The following CCL16 variants were observed in gnomAD, a reference collection of about 807,000 sequenced individuals.
The protein encoded by CCL16 is C-C motif chemokine 16.
A neutral mutation model predicts 7.5 loss-of-function variants in CCL16; 6 were observed. The observed-to-expected ratio is 0.80, with a 90% CI of 0.44 to 1.57. The LOEUF is 1.57. Ranked by LOEUF, CCL16 falls within the 40% of genes most tolerant of loss-of-function variation. The probability of loss-of-function intolerance (pLI) is 0.01; values close to 1 mark genes in which losing one functional copy is unlikely to be tolerated. For missense variants in CCL16, 134 were observed against 142.9 expected (o/e 0.94, Z 0.32); for synonymous variants, 60 against 57.7 (o/e 1.04, Z -0.18).
At position 35,981,235 on chromosome 17, in the gene CCL16, C is replaced by A. The variant is rs1340401308; in HGVS notation, c.76+110G>T. The A allele has an allele frequency of 8.9e-6, 6 of 676,838 alleles. No homozygotes were observed. The East Asian group carries it at 1.4e-4, about 16-fold the overall frequency. 41.9% of individuals were successfully genotyped at this position (676,838 alleles called of 1,614,324 possible). On this transcript the variant is annotated intron_variant, in intron 1 of 2. Coordinates refer to ENST00000611905, the MANE Select transcript of CCL16 (RefSeq NM_004590.4). ...AGCTATGCATGAAGGTGGGGAGAGC[C>A]CACAGGGTCTTATGAGGCCAGAGAC...
Position 35,977,397 on chromosome 17 carries a change from G to A in CCL16, c.*169C>T, listed in dbSNP as rs1488848653. The A allele has an allele frequency of 4.5e-5, 23 of 515,504 alleles. No homozygotes were observed. Among genetic ancestry groups the A allele is most frequent in the Middle Eastern group, 5.0e-4 (1 of 1,986 alleles). The allele number at this position is 515,504 out of a possible 1,614,324, so 31.9% of individuals were successfully genotyped here. A position where few individuals can be genotyped will look rare whatever the true frequency, so the allele number is the denominator to read the frequency against. Reference sequence around the variant, plus strand: ...CCTCTGCCCACGTCCCTTAACTTTGGTATTTCCTCCTAAGATTGAGAAAAT... The same window carrying A: ...CCTCTGCCCACGTCCCTTAACTTTGATATTTCCTCCTAAGATTGAGAAAAT... On this transcript the variant is annotated 3_prime_UTR_variant, in exon 3 of 3. Coordinates refer to ENST00000611905, the MANE Select transcript of CCL16 (RefSeq NM_004590.4).
chr17:35,977,364 A>G lies in CCL16; in HGVS notation c.*202T>C, dbSNP rs2089645749. ...ATAAAAATATAAATATAAAAATAAA[A>G]GAGCGTACCTCTGCCCACGTCCCTT... On this transcript the variant is annotated 3_prime_UTR_variant, in exon 3 of 3. Coordinates refer to ENST00000611905, the MANE Select transcript of CCL16 (RefSeq NM_004590.4). 2.5e-6 allele frequency: 1 copy of G among 405,634 alleles called. No homozygotes were observed. Among genetic ancestry groups the G allele is most frequent in the Admixed American group, 4.3e-5 (1 of 23,184 alleles). 25.1% of individuals were successfully genotyped at this position (405,634 alleles called of 1,614,324 possible). A position where few individuals can be genotyped will look rare whatever the true frequency, so the allele number is the denominator to read the frequency against.
At position 35,978,368 on chromosome 17, in the gene CCL16, C is replaced by T. The variant is rs1240231726; in HGVS notation, c.77-105G>A. The T allele has an allele frequency of 2.7e-5, 40 of 1,495,844 alleles. 1 individual carries two copies. In the South Asian group the frequency reaches 3.6e-4, roughly 14 times the overall value. 92.7% of individuals were successfully genotyped at this position (1,495,844 alleles called of 1,614,324 possible). A position where few individuals can be genotyped will look rare whatever the true frequency, so the allele number is the denominator to read the frequency against. ...TGTTTCACTCCTCTGATAGCAAAGC[C>T]GTCTGTTAGAGGAGACCAATGATAG... On this transcript the variant is annotated intron_variant, in intron 1 of 2. Coordinates refer to ENST00000611905, the MANE Select transcript of CCL16 (RefSeq NM_004590.4).
chr17:35,977,835 G>T, intron 2 of CCL16, 104 bp from the exon 3 acceptor site: 1 of 1,311,396 alleles, frequency 7.6e-7, no homozygotes. Flanking sequence ...GTTCTTTAAA[G>T]CTTCCCTGGG....
At chr17:35,980,049 T>TC (rs1211014060) in intron 1 of CCL16, among the ~76,000 whole-genome samples, 1 of 151,990 alleles carries the variant, frequency 6.6e-6, no homozygotes, top group Non-Finnish European at 1.5e-5. Flanking sequence ...AGAGCACTGT[T>TC]CCCCCCTCCC....
chr17:35,977,877 C>G, intron 2 of CCL16, 146 bp from the exon 3 acceptor site: 1 of 932,598 alleles, frequency 1.1e-6, no homozygotes, highest in Non-Finnish European at 1.6e-6. Flanking sequence ...CAGACAGCCT[C>G]TCTCTCTGGC....
Position 35,978,207 on chromosome 17 carries a change from C to G in CCL16, c.133G>C (p.Val45Leu). ...CCCACCACTAGTCTCCTTGGCAACACTTTCTCATAATACTTCAGGCAGCAG... is the reference window on the plus strand; with the variant it reads ...CCCACCACTAGTCTCCTTGGCAACAGTTTCTCATAATACTTCAGGCAGCAG... ...STCCLKYYEK[V>L]LPRRLVVGYR... The change falls in exon 2 of 3, where the codon GTG becomes CTG. Residue 45 changes from valine (V) to leucine (L), a missense_variant. Val to Leu is a conservative substitution (Grantham distance 32). Coordinates refer to ENST00000611905, the MANE Select transcript of CCL16 (RefSeq NM_004590.4). 6.2e-7 allele frequency: 1 copy of G among 1,614,212 alleles called. No individual in the cohort carries two copies. The highest frequency in any genetic ancestry group is 1.7e-5 in the Admixed American group (1 of 60,022).
In CCL16 at chr17:35,977,505, C is replaced by T. The variant is rs1000906777; in HGVS notation, c.*61G>A. 1 of 1,491,690 alleles carries T rather than the reference C, an allele frequency of 6.7e-7. No individual in the cohort carries two copies. Among genetic ancestry groups the T allele is most frequent in the Non-Finnish European group, 9.2e-7 (1 of 1,087,226 alleles). 92.4% of individuals were successfully genotyped at this position (1,491,690 alleles called of 1,614,324 possible). On this transcript the variant is annotated 3_prime_UTR_variant, in exon 3 of 3. Transcript: ENST00000611905. ...CTAGTTTCAGCCTAATAAGGCTTCC[C>T]CTGTTTTCATAGGTTTACCCCTCTC...
chr17:35,978,307 A>G, intron 1 of CCL16, 44 bp from the exon 2 acceptor site: 1 of 1,613,382 alleles, frequency 6.2e-7, no homozygotes. Context: ...AGCAGAGGGG[A>G]GACCACAGCT....
Position 35,977,748 on chromosome 17 carries a change from A to T in CCL16, c.198-17T>A. On this transcript the variant is annotated splice_polypyrimidine_tract_variant and intron_variant, in intron 2 of 2. Transcript: ENST00000611905. ...GTGACGAAGCTGCAGAGGCAGAATT[A>T]GACCGTCATGGGCTGCAGACTCGGG... 1 of 1,611,280 alleles carries T rather than the reference A, an allele frequency of 6.2e-7. No homozygotes were observed. The highest frequency in any genetic ancestry group is 8.5e-7 in the Non-Finnish European group (1 of 1,179,470).
Position 35,977,406 on chromosome 17 carries a change from C to T in CCL16, c.*160G>A. 1 of 581,662 alleles carries T rather than the reference C, an allele frequency of 1.7e-6. No individual in the cohort carries two copies. Among genetic ancestry groups the T allele is most frequent in the South Asian group, 3.4e-5 (1 of 29,562 alleles). The allele number at this position is 581,662 out of a possible 1,614,324, so 36.0% of individuals were successfully genotyped here. On this transcript the variant is annotated 3_prime_UTR_variant, in exon 3 of 3. Coordinates refer to ENST00000611905, the MANE Select transcript of CCL16 (RefSeq NM_004590.4). ...ACGTCCCTTAACTTTGGTATTTCCT[C>T]CTAAGATTGAGAAAATATTCGAAAT...
Position 35,981,016 on chromosome 17 carries a change from C to T in CCL16, c.76+329G>A, listed in dbSNP as rs902366954. Among the ~76,000 whole-genome samples, 8 of 152,298 alleles carry T rather than the reference C, an allele frequency of 5.3e-5. No homozygotes were observed. The East Asian group carries it at 1.5e-3, about 29-fold the overall frequency. ...TTTTCTTTCTCATCCGCGTGCCTCC[C>T]CCTCCCTTTCATTGCATGCACTTCT... On this transcript the variant is annotated intron_variant, in intron 1 of 2. Coordinates refer to ENST00000611905, the MANE Select transcript of CCL16 (RefSeq NM_004590.4).
chr17:35,977,466 C>T lies in CCL16; in HGVS notation c.*100G>A, dbSNP rs187852119. 3 of 978,360 alleles carry T rather than the reference C, an allele frequency of 3.1e-6. No homozygotes were observed. The highest frequency in any genetic ancestry group is 4.6e-5 in the Admixed American group (2 of 43,054). The allele number at this position is 978,360 out of a possible 1,614,324, so 60.6% of individuals were successfully genotyped here. ...TTATTTTGATCATTGTTCTGCTTCT[C>T]TCAATGTGACTGGCTAGTTTCAGCC... On this transcript the variant is annotated 3_prime_UTR_variant, in exon 3 of 3. Transcript: ENST00000611905.
intron 2 of CCL16, 113 bp from the exon 3 acceptor site, chr17:35,977,844 G>T: frequency 8.1e-7 from 1 of 1,231,612 alleles, no homozygotes; most frequent in Non-Finnish European, 1.1e-6. Context: ...AGCTTCCCTG[G>T]GCCTGTCCTG....
chr17:35,981,036 A>G (rs2089677225), intron 1 of CCL16, among the ~76,000 whole-genome samples: 1 of 151,822 alleles, frequency 6.6e-6, no homozygotes, highest in Middle Eastern at 3.4e-3. Context: ...CATTGCATGC[A>G]CTTCTTGTTG....
intron 1 of CCL16, among the ~76,000 whole-genome samples, chr17:35,980,995 C>G (rs1172349308): frequency 6.6e-6 from 1 of 152,180 alleles, no homozygotes; most frequent in Admixed American, 6.5e-5. Context: ...TGCCACTTTT[C>G]TTTCTCATCC....
chr17:35,979,691 C>T (rs1202473830), intron 1 of CCL16, among the ~76,000 whole-genome samples: 1 of 152,156 alleles, frequency 6.6e-6, no homozygotes, highest in Non-Finnish European at 1.5e-5. Context: ...TAATTAAGAG[C>T]CAATGGTAGT....
In CCL16 at chr17:35,976,710, CAA is replaced by C. The variant is rs995224093; in HGVS notation, c.*854_*855del. On this transcript the variant is annotated 3_prime_UTR_variant, in exon 3 of 3. Transcript: ENST00000611905. The stretch of plus-strand genomic sequence containing the variant: ...TGTACCCCTGCCACCCTGAGGAAGA[CAA>C]AATATGAGAGGATCTAGCAAAGTCT... 1 of 150,242 alleles carries C rather than the reference CAA, an allele frequency of 6.7e-6. No individual in the cohort carries two copies. Among genetic ancestry groups the C allele is most frequent in the African/African-American group, 2.5e-5 (1 of 40,684 alleles). The allele number at this position is 150,242 out of a possible 1,614,324, so 9.3% of individuals were successfully genotyped here.
At chr17:35,979,743 T>C (rs2089667171) in intron 1 of CCL16, among the ~76,000 whole-genome samples, 1 of 152,150 alleles carries the variant, frequency 6.6e-6, no homozygotes, top group Non-Finnish European at 1.5e-5. Flanking sequence ...CTTCCCCCCA[T>C]CTCTTTGATG....
Sources: gnomAD v4.1 joint callset for allele counts (sites outside exome capture counted in the v4.1 genomes callset) on GRCh38, gnomAD v4.1.1 for gene constraint, MANE v1.5 for transcripts, NCBI Gene and HGNC (gene_info 2026-07-23, HGNC 2026-07-21) for gene names.